Variants in WDR70 observed in about 807,000 individuals in gnomAD.
WDR70 encodes the protein WD repeat domain 70, also known as WD repeat-containing protein 70.
A neutral mutation model predicts 88.6 loss-of-function variants in WDR70; 53 were observed. The observed-to-expected ratio is 0.60, with a 90% confidence interval of 0.48 to 0.75. The LOEUF (loss-of-function observed/expected upper bound fraction) is 0.75. Ranked by LOEUF, WDR70 falls within the 30% of genes least tolerant of loss-of-function variation. WDR70 has a pLI of 0.00. For missense variants in WDR70, 610 were observed against 823.2 expected (o/e 0.74, Z 3.17); for synonymous variants, 280 against 270.0 (o/e 1.04, Z -0.36).
At chr5:37,615,827 T>C (rs891121227) in intron 10 of WDR70, among the ~76,000 whole-genome samples, 1 of 152,206 alleles carries the variant, frequency 6.6e-6, no homozygotes, top group Non-Finnish European at 1.5e-5. Flanking sequence ...GTGTCAGTCT[T>C]ATCAGTTCTG....
chr5:37,712,230 A>G (rs983030038), intron 13 of WDR70, among the ~76,000 whole-genome samples: 2 of 152,118 alleles, frequency 1.3e-5, no homozygotes, highest in African/African-American at 4.8e-5. Flanking sequence ...TGACCTTGTG[A>G]TCCACCCGCC....
chr5:37,424,992 C>G (rs537307207), intron 5 of WDR70, among the ~76,000 whole-genome samples: 2 of 152,192 alleles, frequency 1.3e-5, no homozygotes, highest in African/African-American at 4.8e-5. Flanking sequence ...GCCTGTAATC[C>G]CAGCACTTTG....
chr5:37,480,292 T>G (rs1739622736), intron 8 of WDR70, among the ~76,000 whole-genome samples: 1 of 152,190 alleles, frequency 6.6e-6, no homozygotes, highest in African/African-American at 2.4e-5. Context: ...TCTTGCTGGC[T>G]CTCTGTCTCT....
intron 7 of WDR70, among the ~76,000 whole-genome samples, chr5:37,451,125 C>T (rs1254112761): frequency 2.6e-5 from 4 of 151,908 alleles, no homozygotes; most frequent in African/African-American, 7.3e-5. Context: ...CTCGAACTCC[C>T]GACCTCAGGT....
chr5:37,392,065 G>A lies in WDR70; in HGVS notation c.241G>A (p.Glu81Lys), dbSNP rs1581244695. Residue 81 changes from glutamate (E) to lysine (K), a missense_variant, in exon 4 of 18, where the codon GAG (glutamate) becomes AAG (lysine). Glu to Lys is a moderately conservative substitution (Grantham distance 56, BLOSUM62 1). Around this residue, in one of 4 missense-constraint regions of WDR70, gnomAD observed 203 missense variants for 228.1 expected, o/e 0.89. Transcript: ENST00000265107. ...ATTAAGAAGACAAAATGAAGATATT[G>A]AGCCAACATCCTCAAGATCAAATGT... ...KELRRQNEDI[E>K]PTSSRSNVVR... 1 of 1,612,922 alleles carries A rather than the reference G, an allele frequency of 6.2e-7. No individual in the cohort carries two copies. The highest frequency in any genetic ancestry group is 1.3e-5 in the African/African-American group (1 of 74,964).
intron 9 of WDR70, among the ~76,000 whole-genome samples, chr5:37,575,225 TA>T (rs1419390713): frequency 1.3e-5 from 2 of 152,172 alleles, no homozygotes; most frequent in East Asian, 1.9e-4. Context: ...TGTGACATCA[TA>T]AAAAAATACG....
chr5:37,600,094 G>A (rs1743825141), intron 9 of WDR70, among the ~76,000 whole-genome samples: 1 of 151,844 alleles, frequency 6.6e-6, no homozygotes, highest in African/African-American at 2.4e-5. Context: ...AAGATAAGTT[G>A]GACTTCATCA....
At chr5:37,379,684 T>C (rs1748361311) in intron 2 of WDR70, 130 bp downstream of exon 2, 1 of 979,370 alleles carries the variant, frequency 1.0e-6, no homozygotes, top group Non-Finnish European at 1.6e-6. Context: ...AGTTTGTCAA[T>C]ATTCTTCTCC....
At chr5:37,413,845 G>A (rs1749603293) in intron 5 of WDR70, among the ~76,000 whole-genome samples, 1 of 150,930 alleles carries the variant, frequency 6.6e-6, no homozygotes, top group Non-Finnish European at 1.5e-5. Context: ...CCAAACTTTT[G>A]AAAATATATA....
intron 17 of WDR70, among the ~76,000 whole-genome samples, chr5:37,749,114 C>A (rs1258194832): frequency 6.6e-6 from 1 of 152,136 alleles, no homozygotes; most frequent in Non-Finnish European, 1.5e-5. Flanking sequence ...TGGGTATATA[C>A]CCAAAGGCAT....
chr5:37,626,453 A>G (rs1291493487), intron 10 of WDR70, among the ~76,000 whole-genome samples: 2 of 152,198 alleles, frequency 1.3e-5, no homozygotes, highest in East Asian at 1.9e-4. Context: ...CATTCCTGAG[A>G]TAAATCCCAC....
chr5:37,537,352 A>C (rs1452115904), intron 9 of WDR70, among the ~76,000 whole-genome samples: 1 of 152,190 alleles, frequency 6.6e-6, no homozygotes, highest in African/African-American at 2.4e-5. Flanking sequence ...GCAAAGGAGC[A>C]CAGGAATGGG....
intron 5 of WDR70, among the ~76,000 whole-genome samples, chr5:37,400,353 C>T (rs575823315): frequency 6.6e-6 from 1 of 152,272 alleles, no homozygotes; most frequent in African/African-American, 2.4e-5. Flanking sequence ...TCTAAACTAA[C>T]ATTGTTTATA....
intron 10 of WDR70, among the ~76,000 whole-genome samples, chr5:37,679,576 G>T (rs11746775): frequency 1.3e-5 from 2 of 151,988 alleles, no homozygotes; most frequent in Non-Finnish European, 2.9e-5. Flanking sequence ...GCTGCTATCT[G>T]ATCGTTCCTC....
At chr5:37,426,606 A>C (rs1428910379) in intron 5 of WDR70, among the ~76,000 whole-genome samples, 1 of 152,116 alleles carries the variant, frequency 6.6e-6, no homozygotes, top group Non-Finnish European at 1.5e-5. Flanking sequence ...GCTCCGTTGA[A>C]ACTTGGGGAA....
At chr5:37,720,443 T>A (rs1747775133) in intron 13 of WDR70, among the ~76,000 whole-genome samples, 1 of 152,188 alleles carries the variant, frequency 6.6e-6, no homozygotes, top group Admixed American at 6.6e-5. Flanking sequence ...TGTGGTTCTT[T>A]TCAGCCCCAG....
chr5:37,529,103 G>C (rs1336566016), intron 9 of WDR70, among the ~76,000 whole-genome samples: 1 of 151,812 alleles, frequency 6.6e-6, no homozygotes, highest in East Asian at 1.9e-4. Context: ...CTATGTTTTT[G>C]TTTGCTTTGT....
At chr5:37,729,479 C>T (rs1200288417) in intron 17 of WDR70, among the ~76,000 whole-genome samples, 1 of 152,168 alleles carries the variant, frequency 6.6e-6, no homozygotes, top group Admixed American at 6.6e-5. Context: ...CCTAACTTTT[C>T]TCCTTTCTGT....
At chr5:37,528,954 A>C (rs1264368490) in intron 9 of WDR70, among the ~76,000 whole-genome samples, 1 of 92,574 alleles carries the variant, frequency 1.1e-5, no homozygotes, top group Non-Finnish European at 2.3e-5. Context: ...TTATGGTTTC[A>C]GGTCTTAGAT....
Sources: allele counts gnomAD v4.1 joint callset (sites outside exome capture counted in the v4.1 genomes callset), GRCh38; gene constraint gnomAD v4.1.1; regional missense constraint gnomAD v4.1.1; transcripts MANE v1.5; gene names NCBI Gene and HGNC (gene_info 2026-07-23, HGNC 2026-07-21).